Variants in SLC4A4 observed in about 807,000 individuals in gnomAD.
SLC4A4 encodes electrogenic sodium bicarbonate cotransporter 1.
Under a neutral mutation model 111.5 loss-of-function variants are expected in SLC4A4, and 27 were observed. That is an observed-to-expected ratio of 0.24 (90% CI 0.18 to 0.33). SLC4A4 has a LOEUF of 0.33. SLC4A4 is among the 10% of genes least tolerant of loss of function. The pLI is 1.00. For missense variants in SLC4A4, 909 were observed against 1,315.5 expected (o/e 0.69, Z 4.78); for synonymous variants, 443 against 463.4 (o/e 0.96, Z 0.57).
rs777260446 is a variant in SLC4A4 at position 71,567,833 on chromosome 4, A to G, written c.*82A>G. On this transcript the variant is annotated 3_prime_UTR_variant, in exon 26 of 26. Transcript: ENST00000264485. The stretch of plus-strand genomic sequence containing the variant: ...AAGTTGTGCCTCAAATTAGAATAGA[A>G]CTTGAACCTGAAGACAATGATTATT... The G allele has an allele frequency of 6.4e-7, 1 of 1,552,580 alleles. No homozygotes were observed. The highest frequency in any genetic ancestry group is 8.7e-7 in the Non-Finnish European group (1 of 1,146,578).
intron 6 of SLC4A4, among the ~76,000 whole-genome samples, chr4:71,371,184 T>C (rs141493555): frequency 5.3e-4 from 80 of 151,908 alleles, no homozygotes; most frequent in African/African-American, 1.9e-3. Flanking sequence ...TCTTTTGTCC[T>C]ATATCATGGA....
At chr4:71,445,606 T>G (rs1333315092) in intron 8 of SLC4A4, among the ~76,000 whole-genome samples, 1 of 152,146 alleles carries the variant, frequency 6.6e-6, no homozygotes, top group East Asian at 1.9e-4. Flanking sequence ...GTGTTAGATA[T>G]TTTCTCTTGT....
intron 15 of SLC4A4, among the ~76,000 whole-genome samples, chr4:71,487,827 ACT>A (rs1729559520): frequency 6.6e-6 from 1 of 151,256 alleles, no homozygotes; most frequent in Non-Finnish European, 1.5e-5. Context: ...TTCCTGGGCA[ACT>A]CTCACGTGAC....
At chr4:71,077,016 G>A (rs1223450249) in intron 1 of SLC4A4, among the ~76,000 whole-genome samples, 1 of 149,208 alleles carries the variant, frequency 6.7e-6, no homozygotes, top group South Asian at 2.1e-4. Flanking sequence ...ATATATATGT[G>A]TAAAAACACA....
At chr4:71,155,256 C>T (rs932035759) in intron 2 of SLC4A4, among the ~76,000 whole-genome samples, 4 of 152,082 alleles carry the variant, frequency 2.6e-5, no homozygotes, top group African/African-American at 9.7e-5. Context: ...TATAGGATTT[C>T]TTGTGGTTCT....
chr4:71,432,342 A>G (rs1003693892), intron 7 of SLC4A4, among the ~76,000 whole-genome samples: 28 of 152,120 alleles, frequency 1.8e-4, no homozygotes, highest in Admixed American at 1.1e-3. Context: ...GAGGAAGATT[A>G]TTCTAGAAAT....
chr4:71,563,973 A>C, intron 24 of SLC4A4, 84 bp downstream of exon 24: 1 of 874,036 alleles, frequency 1.1e-6, no homozygotes, highest in Non-Finnish European at 1.9e-6. Context: ...CATCTGCATT[A>C]ACTTTCCCTC....
chr4:71,505,236 G>T (rs1731302402), intron 16 of SLC4A4, among the ~76,000 whole-genome samples: 1 of 151,830 alleles, frequency 6.6e-6, no homozygotes, highest in Non-Finnish European at 1.5e-5. Context: ...ATTCCTTTGG[G>T]TGTATATCCT....
chr4:71,073,878 G>A (rs762719040), intron 1 of SLC4A4, among the ~76,000 whole-genome samples: 1 of 152,072 alleles, frequency 6.6e-6, no homozygotes, highest in Non-Finnish European at 1.5e-5. Flanking sequence ...GAGCTCAGGA[G>A]TTCAAGATCA....
chr4:71,262,989 A>G (rs922745004), intron 3 of SLC4A4, among the ~76,000 whole-genome samples: 1 of 148,572 alleles, frequency 6.7e-6, no homozygotes, highest in African/African-American at 2.5e-5. Flanking sequence ...CATTAGCTAT[A>G]TCTCCTAATG....
At chr4:71,211,421 A>G (rs961971415) in intron 1 of SLC4A4, among the ~76,000 whole-genome samples, 22 of 152,236 alleles carry the variant, frequency 1.4e-4, no homozygotes, top group African/African-American at 5.3e-4. Flanking sequence ...AAAATGGTAT[A>G]TGATAGCTCA....
intron 1 of SLC4A4, among the ~76,000 whole-genome samples, chr4:71,203,401 A>G (rs1746343465): frequency 6.6e-6 from 1 of 152,154 alleles, no homozygotes; most frequent in African/African-American, 2.4e-5. Flanking sequence ...AATATTTTGG[A>G]CAAAATTATG....
chr4:71,212,674 G>A (rs536555588), intron 1 of SLC4A4, among the ~76,000 whole-genome samples: 3 of 152,264 alleles, frequency 2.0e-5, no homozygotes, highest in Admixed American at 6.5e-5. Flanking sequence ...CTGTGTGCAC[G>A]CGTTTGTGTG....
intron 3 of SLC4A4, among the ~76,000 whole-genome samples, chr4:71,321,353 G>T (rs547676925): frequency 0.011 from 1,654 of 152,106 alleles, 30 homozygotes; most frequent in African/African-American, 0.035. Context: ...ATGAGGAAAA[G>T]CATCAACATT....
chr4:71,456,551 A>G (rs1726287812), intron 12 of SLC4A4, among the ~76,000 whole-genome samples: 1 of 152,146 alleles, frequency 6.6e-6, no homozygotes. Context: ...GGACCAGGAT[A>G]AGGAAATATT....
chr4:71,383,335 G>T (rs1718337857), intron 6 of SLC4A4, among the ~76,000 whole-genome samples: 1 of 152,164 alleles, frequency 6.6e-6, no homozygotes, highest in Non-Finnish European at 1.5e-5. Flanking sequence ...GACCTATGCA[G>T]TAAGTGAGAC....
chr4:71,300,827 A>G, intron 3 of SLC4A4: 1 of 438,396 alleles, frequency 2.3e-6, no homozygotes, highest in South Asian at 1.9e-5. Context: ...GGTGCAGAGA[A>G]GCAGTGCTGG....
chr4:71,377,585 C>G (rs1732526204), intron 6 of SLC4A4, among the ~76,000 whole-genome samples: 1 of 152,066 alleles, frequency 6.6e-6, no homozygotes, highest in Admixed American at 6.5e-5. Context: ...ATCTGTGTGG[C>G]CTAACAACAC....
intron 3 of SLC4A4, among the ~76,000 whole-genome samples, chr4:71,270,664 C>T (rs1722642118): frequency 6.6e-6 from 1 of 152,194 alleles, no homozygotes; most frequent in Admixed American, 6.5e-5. Flanking sequence ...TACTCTGACT[C>T]ACATTATTAG....
Sources: allele counts gnomAD v4.1 joint callset (sites outside exome capture counted in the v4.1 genomes callset), GRCh38; gene constraint gnomAD v4.1.1; transcripts MANE v1.5; gene names NCBI Gene and HGNC (gene_info 2026-07-23, HGNC 2026-07-21).